The following CDADC1 variants were observed in gnomAD, a reference collection of about 807,000 sequenced individuals.
CDADC1 encodes the protein dCTP deaminase.
Under a neutral mutation model 54.9 loss-of-function variants are expected in CDADC1, and 39 were observed. The ratio of observed to expected loss-of-function variants is 0.71; its 90% confidence interval spans 0.55 to 0.93. CDADC1 has a LOEUF of 0.93. Among genes scored for constraint, CDADC1 ranks in the 40% least tolerant of loss-of-function variants. The pLI, the probability that CDADC1 is intolerant of heterozygous loss-of-function variation, is 0.00. For synonymous variants in CDADC1, 186 were observed against 204.0 expected (o/e 0.91, Z 0.75); for missense variants, 518 against 618.8 (o/e 0.84, Z 1.73).
intron 5 of CDADC1, among the ~76,000 whole-genome samples, chr13:49,268,660 A>C (rs1265480334): frequency 2.0e-5 from 3 of 152,064 alleles, no homozygotes; most frequent in Admixed American, 6.5e-5. Context: ...GCAAGACTCT[A>C]TCTCCAAAAA....
chr13:49,256,942 C>T (rs1220945299), intron 3 of CDADC1, among the ~76,000 whole-genome samples: 1 of 152,130 alleles, frequency 6.6e-6, no homozygotes, highest in African/African-American at 2.4e-5. Context: ...TACCCTTTTG[C>T]CCATGTTTTA....
chr13:49,259,737 C>T (rs981485249), intron 4 of CDADC1, among the ~76,000 whole-genome samples: 1 of 151,836 alleles, frequency 6.6e-6, no homozygotes, highest in Non-Finnish European at 1.5e-5. Context: ...GTCCCCACTA[C>T]TTGAGATAAT....
chr13:49,281,510 G>A (rs1345207797), intron 8 of CDADC1, among the ~76,000 whole-genome samples: 1 of 152,160 alleles, frequency 6.6e-6, no homozygotes, highest in Non-Finnish European at 1.5e-5. Context: ...GATCCCTCAG[G>A]TGTGCAGTTC....
chr13:49,248,625 C>T (rs1952350651), intron 1 of CDADC1, among the ~76,000 whole-genome samples: 1 of 152,148 alleles, frequency 6.6e-6, no homozygotes, highest in Admixed American at 6.5e-5. Context: ...TTAGCTGTAC[C>T]GTTTTTTCCT....
In CDADC1 at chr13:49,267,429, A is replaced by G; in HGVS notation, c.431-61A>G. The G allele has an allele frequency of 3.7e-6, 5 of 1,352,402 alleles. No individual in the cohort carries two copies. The South Asian group carries it at 4.1e-5, about 11-fold the overall frequency. 83.8% of individuals were successfully genotyped at this position (1,352,402 alleles called of 1,614,324 possible). On this transcript the variant is annotated intron_variant, in intron 4 of 9. Transcript: ENST00000251108. ...ATACTGCAATGATAGGGTGGATTTT[A>G]TAATGAAAACCCTAAATTCAGCATG...
intron 2 of CDADC1, among the ~76,000 whole-genome samples, chr13:49,251,027 G>A (rs1283410396): frequency 6.6e-6 from 1 of 152,026 alleles, no homozygotes; most frequent in Non-Finnish European, 1.5e-5. Flanking sequence ...GGGATTTTAT[G>A]TAGTGTTGTG....
At chr13:49,248,222 C>T (rs1484421262) in intron 1 of CDADC1, 103 bp downstream of exon 1, 1 of 1,060,830 alleles carries the variant, frequency 9.4e-7, no homozygotes, top group East Asian at 2.6e-5. Flanking sequence ...CTTTGCCTCC[C>T]CTGCTGCTTT....
chr13:49,286,382 C>G, intron 9 of CDADC1, 100 bp downstream of exon 9: 1 of 846,904 alleles, frequency 1.2e-6, no homozygotes, highest in East Asian at 2.5e-5. Flanking sequence ...ATAGATGGAG[C>G]ATATTATTTT....
At chr13:49,285,618 G>A (rs1369487311) in intron 8 of CDADC1, among the ~76,000 whole-genome samples, 1 of 152,050 alleles carries the variant, frequency 6.6e-6, no homozygotes, top group Non-Finnish European at 1.5e-5. Flanking sequence ...CCTGTAGTTA[G>A]GGTGTAACCT....
intron 9 of CDADC1, among the ~76,000 whole-genome samples, chr13:49,288,732 A>AGAGAAGGAAGGAGACAGAGAAGGAAGG (rs1269072743): frequency 9.3e-4 from 142 of 152,318 alleles, no homozygotes; most frequent in Non-Finnish European, 1.7e-3. Context: ...AGCAGGGACA[A>AGAGAAGGAAGGAGACAGAGAAGGAAGG]ACAGAGAAGG....
At chr13:49,254,392 A>G (rs1952496776) in intron 2 of CDADC1, among the ~76,000 whole-genome samples, 1 of 136,044 alleles carries the variant, frequency 7.4e-6, no homozygotes, top group Admixed American at 8.6e-5. Context: ...TCAATGTATT[A>G]ACTATCCCAC....
chr13:49,290,283 T>A (rs1464562215), intron 9 of CDADC1, among the ~76,000 whole-genome samples: 1 of 151,980 alleles, frequency 6.6e-6, no homozygotes, highest in African/African-American at 2.4e-5. Context: ...ACACATAATG[T>A]AGTTTTATTC....
chr13:49,275,538 A>T (rs1420023266), intron 6 of CDADC1, among the ~76,000 whole-genome samples: 2 of 151,474 alleles, frequency 1.3e-5, no homozygotes, highest in East Asian at 3.9e-4. Flanking sequence ...TTTGGCACAT[A>T]GAGTAAGCAA....
chr13:49,252,473 G>A (rs994445830), intron 2 of CDADC1, among the ~76,000 whole-genome samples: 1 of 152,170 alleles, frequency 6.6e-6, no homozygotes, highest in African/African-American at 2.4e-5. Context: ...CATGATTGTA[G>A]GTTGTCAATT....
chr13:49,251,937 A>G (rs1445625808), intron 2 of CDADC1, among the ~76,000 whole-genome samples: 1 of 152,202 alleles, frequency 6.6e-6, no homozygotes, highest in Non-Finnish European at 1.5e-5. Flanking sequence ...CTAAATGAAA[A>G]TAAATAAGTC....
chr13:49,258,062 A>G (rs1952590077), intron 3 of CDADC1, among the ~76,000 whole-genome samples: 1 of 152,198 alleles, frequency 6.6e-6, no homozygotes. Context: ...ATGTCCTTCT[A>G]GTTTAGGAGA....
chr13:49,257,077 G>A (rs1037604867), intron 3 of CDADC1, among the ~76,000 whole-genome samples: 4 of 152,226 alleles, frequency 2.6e-5, no homozygotes, highest in Non-Finnish European at 5.9e-5. Context: ...GTGGTAAATG[G>A]AAGTGCCAAA....
intron 3 of CDADC1, among the ~76,000 whole-genome samples, chr13:49,257,580 C>G (rs937295737): frequency 6.6e-6 from 1 of 152,162 alleles, no homozygotes; most frequent in Admixed American, 6.5e-5. Context: ...ACCATCCTGG[C>G]TAACATGGTG....
At chr13:49,284,526 T>C (rs1015036903) in intron 8 of CDADC1, among the ~76,000 whole-genome samples, 1 of 152,260 alleles carries the variant, frequency 6.6e-6, no homozygotes, top group Non-Finnish European at 1.5e-5. Context: ...ATTACTTGTT[T>C]TTACTTTGTC....
Sources: gnomAD v4.1 joint callset for allele counts (sites outside exome capture counted in the v4.1 genomes callset) on GRCh38, gnomAD v4.1.1 for gene constraint, MANE v1.5 for transcripts, NCBI Gene and HGNC (gene_info 2026-07-23, HGNC 2026-07-21) for gene names.